Variants in GPC5 observed in about 807,000 individuals in gnomAD.
GPC5 encodes glypican-5.
Under a neutral mutation model 53.9 loss-of-function variants are expected in GPC5, and 47 were observed. The ratio of observed to expected loss-of-function variants is 0.87; its 90% CI spans 0.69 to 1.11. GPC5 has a LOEUF of 1.11. GPC5 is among the 50% of genes most tolerant of loss of function. GPC5 has a pLI of 0.00. For missense variants in GPC5, 748 were observed against 713.1 expected, an observed-to-expected ratio of 1.05 and a Z score of -0.56; for synonymous variants, 286 against 263.3, an observed-to-expected ratio of 1.09 and a Z score of -0.84.
chr13:91,577,651 A>G (rs2032188027), intron 2 of GPC5, among the ~76,000 whole-genome samples: 1 of 152,122 alleles, frequency 6.6e-6, no homozygotes, highest in African/African-American at 2.4e-5. Context: ...TAATTATGAA[A>G]CTTGGTCATA....
At chr13:91,837,790 A>G (rs2038738878) in intron 5 of GPC5, among the ~76,000 whole-genome samples, 1 of 152,162 alleles carries the variant, frequency 6.6e-6, no homozygotes, top group Non-Finnish European at 1.5e-5. Flanking sequence ...TGGCTCTAAT[A>G]TGGCTGAGGA....
At chr13:91,998,101 G>T (rs1251462793) in intron 6 of GPC5, among the ~76,000 whole-genome samples, 1 of 152,030 alleles carries the variant, frequency 6.6e-6, no homozygotes, top group Non-Finnish European at 1.5e-5. Flanking sequence ...ATATTCAATT[G>T]CCCTATCACA....
intron 5 of GPC5, among the ~76,000 whole-genome samples, chr13:91,859,928 TA>T (rs559498612): frequency 5.9e-5 from 9 of 152,230 alleles, no homozygotes; most frequent in Admixed American, 5.9e-4. Context: ...TTTTATTTTT[TA>T]ATTGACACAT....
At chr13:92,291,074 C>T (rs1431535975) in intron 7 of GPC5, among the ~76,000 whole-genome samples, 1 of 152,142 alleles carries the variant, frequency 6.6e-6, no homozygotes, top group Non-Finnish European at 1.5e-5. Flanking sequence ...GCCTTAGCTG[C>T]CTTTCCGCTA....
intron 2 of GPC5, among the ~76,000 whole-genome samples, chr13:91,504,339 G>A (rs922659327): frequency 3.3e-5 from 5 of 151,878 alleles, no homozygotes; most frequent in Admixed American, 1.3e-4. Flanking sequence ...AATAAAGTCA[G>A]GAAGAATATC....
intron 6 of GPC5, among the ~76,000 whole-genome samples, chr13:92,126,176 A>AACTC (rs2041695713): frequency 6.6e-6 from 1 of 151,772 alleles, no homozygotes; most frequent in Admixed American, 6.6e-5. Flanking sequence ...GCTGGTCTTG[A>AACTC]ACTCCTGACC....
At chr13:92,677,674 G>A (rs1275430050) in intron 7 of GPC5, among the ~76,000 whole-genome samples, 1 of 152,210 alleles carries the variant, frequency 6.6e-6, no homozygotes, top group Admixed American at 6.5e-5. Flanking sequence ...GAACAGACGT[G>A]CAGAGGCAAA....
At chr13:91,650,421 A>G (rs1489392823) in intron 2 of GPC5, among the ~76,000 whole-genome samples, 3 of 152,164 alleles carry the variant, frequency 2.0e-5, no homozygotes, top group South Asian at 4.1e-4. Context: ...TTCACAAAAT[A>G]TACTTCTTCA....
rs151087804 is a variant in GPC5, at chr13:91,880,386, G to A, written c.1281-27551G>A. 1.0e-3 allele frequency among the ~76,000 whole-genome samples: 152 copies of A among 152,024 alleles called. No individual in the cohort carries two copies. The East Asian group carries it at 0.021, about 21-fold the overall frequency. ...GCTATTTGTTAAAGAATGAACTCGT[G>A]TATGTTTATAAATTTTTACTGTTTT... On this transcript the variant is annotated intron_variant, in intron 5 of 7. Transcript: ENST00000377067.
intron 6 of GPC5, among the ~76,000 whole-genome samples, chr13:92,094,654 C>T (rs1274077473): frequency 1.3e-5 from 2 of 151,664 alleles, no homozygotes; most frequent in African/African-American, 4.8e-5. Context: ...TATTGCTTGG[C>T]CCCCAAACAT....
intron 7 of GPC5, among the ~76,000 whole-genome samples, chr13:92,363,637 G>C (rs977609858): frequency 1.3e-5 from 2 of 151,672 alleles, no homozygotes; most frequent in African/African-American, 4.9e-5. Flanking sequence ...TCCAGGGCCT[G>C]GGGGTTTGGG....
chr13:92,251,418 T>C (rs8002066), intron 7 of GPC5, among the ~76,000 whole-genome samples: 86,748 of 151,808 alleles, frequency 0.57, 25,039 homozygotes, highest in South Asian at 0.65. Context: ...CACCAGCACA[T>C]CACTGGATAT....
At chr13:91,641,320 T>A (rs1219293608) in intron 2 of GPC5, among the ~76,000 whole-genome samples, 1 of 152,026 alleles carries the variant, frequency 6.6e-6, no homozygotes, top group Non-Finnish European at 1.5e-5. Context: ...AGAACGAGAC[T>A]CCGTCTCAAA....
intron 7 of GPC5, among the ~76,000 whole-genome samples, chr13:92,643,436 A>G: frequency 1.3e-5 from 2 of 149,330 alleles, no homozygotes; most frequent in Admixed American, 1.3e-4. Flanking sequence ...ACGTATGTTT[A>G]TTGCGGCATT....
At chr13:92,663,444 A>C (rs1886416561) in intron 7 of GPC5, among the ~76,000 whole-genome samples, 1 of 151,516 alleles carries the variant, frequency 6.6e-6, no homozygotes, top group South Asian at 2.1e-4. Flanking sequence ...TTATCTGTCA[A>C]AGATGGCAAA....
rs144030029 is a variant in GPC5 at position 91,895,973 on chromosome 13, A to G, written c.1281-11964A>G. ...CTGGGCTTGTGGCAGCATCACTCCA[A>G]TCTCTGCCTCCGTGGTCCCATTGTC... On this transcript the variant is annotated intron_variant, in intron 5 of 7. Coordinates refer to ENST00000377067, the MANE Select transcript of GPC5 (RefSeq NM_004466.6). 5.6e-3 allele frequency among the ~76,000 whole-genome samples: 855 copies of G among 152,036 alleles called. 13 individuals are homozygous for G. The highest frequency in any genetic ancestry group is 0.02 in the African/African-American group (815 of 41,480).
At chr13:91,592,485 C>A (rs971822903) in intron 2 of GPC5, among the ~76,000 whole-genome samples, 1 of 152,176 alleles carries the variant, frequency 6.6e-6, no homozygotes, top group African/African-American at 2.4e-5. Context: ...GGGAGATAGG[C>A]CACACCCTTT....
intron 5 of GPC5, among the ~76,000 whole-genome samples, chr13:91,865,411 A>G (rs775773022): frequency 6.6e-6 from 1 of 152,142 alleles, no homozygotes; most frequent in Non-Finnish European, 1.5e-5. Flanking sequence ...CTTGGTGAGG[A>G]TCAGTTGTCA....
intron 7 of GPC5, among the ~76,000 whole-genome samples, chr13:92,663,606 A>ATATATACACAC (rs1886426841): frequency 3.4e-5 from 3 of 88,620 alleles, no homozygotes; most frequent in Non-Finnish European, 5.7e-5. Flanking sequence ...TACTATATAT[A>ATATATACACAC]TATATATCTA....
Sources: gnomAD v4.1 joint callset for allele counts (sites outside exome capture counted in the v4.1 genomes callset) on GRCh38, gnomAD v4.1.1 for gene constraint, MANE v1.5 for transcripts, NCBI Gene and HGNC (gene_info 2026-07-23, HGNC 2026-07-21) for gene names.